The following NRXN1 variants were observed in gnomAD, a reference collection of about 807,000 sequenced individuals.
NRXN1 encodes neurexin-1.
NRXN1 carries 39 observed loss-of-function variants against 150.9 expected under a neutral mutation model. The observed-to-expected ratio is 0.26, with a 90% CI of 0.20 to 0.34. The LOEUF is 0.34. NRXN1 is among the 10% of genes least tolerant of loss of function. The pLI, the probability that NRXN1 is intolerant of heterozygous loss-of-function variation, is 1.00. For missense variants in NRXN1, 1,815 were observed against 1,949.9 expected (o/e 0.93, Z 1.30); for synonymous variants, 924 against 757.0 (o/e 1.22, Z -3.62).
chr2:50,340,609 ACGTCC>A (rs2077480313), intron 17 of NRXN1, among the ~76,000 whole-genome samples: 1 of 152,164 alleles, frequency 6.6e-6, no homozygotes, highest in African/African-American at 2.4e-5. Flanking sequence ...TAGAATCAAT[ACGTCC>A]CTGGGAAAAG....
In NRXN1 at chr2:50,441,238, G is replaced by T. The variant is rs550842000; in HGVS notation, c.3364+24204C>A. Among the ~76,000 whole-genome samples the T allele has an allele frequency of 4.2e-4, 64 of 151,994 alleles. 1 individual carries two copies. The highest frequency in any genetic ancestry group is 1.8e-3 in the Admixed American group (27 of 15,256). On this transcript the variant is annotated intron_variant, in intron 17 of 22. Coordinates refer to ENST00000401669, the MANE Select transcript of NRXN1 (RefSeq NM_001330078.2). ...CTTAAATGTAGCCACTTGTCTTAGGGGTCCCCAAATTATAAATTGGCTATA... is the reference window on the plus strand; with the variant it reads ...CTTAAATGTAGCCACTTGTCTTAGGTGTCCCCAAATTATAAATTGGCTATA...
chr2:50,101,871 T>G (rs1033034367), intron 18 of NRXN1, among the ~76,000 whole-genome samples: 1 of 151,956 alleles, frequency 6.6e-6, no homozygotes, highest in Non-Finnish European at 1.5e-5. Context: ...CTATGTTAGT[T>G]TTCACAAGCC....
Position 51,028,044 on chromosome 2 carries a change from T to G in NRXN1, c.230A>C (p.Asp77Ala), listed in dbSNP as rs1302440342. The G allele has an allele frequency of 6.3e-7, 1 of 1,598,930 alleles. No individual in the cohort carries two copies. Among genetic ancestry groups the G allele is most frequent in the Non-Finnish European group, 8.5e-7 (1 of 1,176,692 alleles). Reference sequence around the variant, plus strand: ...GCGCGTCAGAATCAGCTCCAGGAAGTCGCAGAAGCCCTCGTCGTCGAAGTA... The same window carrying G: ...GCGCGTCAGAATCAGCTCCAGGAAGGCGCAGAAGCCCTCGTCGTCGAAGTA... ...VLYFDDEGFC[D>A]FLELILTRGG... Residue 77 changes from aspartate (D) to alanine (A), a missense_variant, in exon 2 of 23, where the codon GAC becomes GCC. Around this residue, in one of 6 missense-constraint regions of NRXN1, gnomAD observed 554 missense variants for 478.8 expected, o/e 1.16. Coordinates refer to ENST00000401669, the MANE Select transcript of NRXN1 (RefSeq NM_001330078.2).
intron 18 of NRXN1, among the ~76,000 whole-genome samples, chr2:50,135,136 T>A (rs1265423251): frequency 2.0e-5 from 3 of 152,216 alleles, no homozygotes; most frequent in Non-Finnish European, 4.4e-5. Flanking sequence ...GCATGCTTAC[T>A]GTTACTTAAG....
Position 50,329,667 on chromosome 2 carries a change from ATATATATTT to A in NRXN1, c.3365-92706_3365-92698del, listed in dbSNP as rs2076693367. 1.4e-3 allele frequency among the ~76,000 whole-genome samples: 37 copies of A among 26,254 alleles called. 1 individual carries two copies. The highest frequency in any genetic ancestry group is 7.9e-3 in the East Asian group (3 of 382). The allele number at this position is 26,254 out of a possible 152,430, so 17.2% of individuals were successfully genotyped here. A position where few individuals can be genotyped will look rare whatever the true frequency, so the allele number is the denominator to read the frequency against. On this transcript the variant is annotated intron_variant, in intron 17 of 22. Transcript: ENST00000401669. ...TATATATATATATATATATATATAT[ATATATATTT>A]TTTTTTTTCCCCCCCGAGACGGAGT...
chr2:50,240,661 G>A (rs970326261), intron 17 of NRXN1, among the ~76,000 whole-genome samples: 13 of 151,548 alleles, frequency 8.6e-5, no homozygotes, highest in African/African-American at 2.9e-4. Flanking sequence ...AGAGAGATCT[G>A]GGTTCAAATT....
chr2:50,942,018 T>C (rs900631973), intron 2 of NRXN1, among the ~76,000 whole-genome samples: 8 of 152,192 alleles, frequency 5.3e-5, no homozygotes, highest in Non-Finnish European at 1.2e-4. Flanking sequence ...CCAGCTGCTC[T>C]GTTATGCCTT....
intron 18 of NRXN1, among the ~76,000 whole-genome samples, chr2:50,229,961 G>C (rs1180731321): frequency 1.3e-5 from 2 of 152,022 alleles, no homozygotes; most frequent in Non-Finnish European, 2.9e-5. Flanking sequence ...CTTAAGAATA[G>C]ATTTGAAGCC....
intron 18 of NRXN1, among the ~76,000 whole-genome samples, chr2:50,219,342 C>T (rs1215384732): frequency 7.3e-6 from 1 of 137,252 alleles, no homozygotes; most frequent in Non-Finnish European, 1.6e-5. Flanking sequence ...CAATACAAAA[C>T]TGTGTTCTGT....
intron 5 of NRXN1, among the ~76,000 whole-genome samples, chr2:50,768,162 G>T (rs1702582116): frequency 6.6e-6 from 1 of 152,040 alleles, no homozygotes; most frequent in African/African-American, 2.4e-5. Flanking sequence ...CTCCATGGCT[G>T]ATACCAAGGA....
At chr2:50,999,953 T>C (rs1431823066) in intron 2 of NRXN1, among the ~76,000 whole-genome samples, 3 of 152,062 alleles carry the variant, frequency 2.0e-5, no homozygotes, top group Non-Finnish European at 4.4e-5. Flanking sequence ...ATTTTTCAGA[T>C]ACTTTTCAAA....
At position 50,488,487 on chromosome 2, in the gene NRXN1, C is replaced by T. The variant is rs551412592; in HGVS notation, c.3070+7418G>A. On this transcript the variant is annotated intron_variant, in intron 15 of 22. Coordinates refer to ENST00000401669, the MANE Select transcript of NRXN1 (RefSeq NM_001330078.2). ...GAGGAACAAGGGAATGATCCTTGGG[C>T]AGCTTTTGGGAGGCAGCTCACAGCC... Among the ~76,000 whole-genome samples the T allele has an allele frequency of 2.6e-5, 4 of 152,306 alleles. No homozygotes were observed. In the South Asian group the frequency reaches 8.3e-4, roughly 32 times the overall value.
intron 17 of NRXN1, among the ~76,000 whole-genome samples, chr2:50,355,264 T>TAC (rs1407478409): frequency 1.5e-5 from 2 of 130,834 alleles, no homozygotes; most frequent in Non-Finnish European, 3.1e-5. Flanking sequence ...TACATATATA[T>TAC]ACACATATAT....
At chr2:50,706,736 T>A (rs1198620784) in intron 5 of NRXN1, among the ~76,000 whole-genome samples, 1 of 152,114 alleles carries the variant, frequency 6.6e-6, no homozygotes, top group Non-Finnish European at 1.5e-5. Context: ...ATCTTATCAA[T>A]GACCGGTGCA....
At chr2:50,859,675 A>G (rs1300294125) in intron 5 of NRXN1, among the ~76,000 whole-genome samples, 1 of 151,854 alleles carries the variant, frequency 6.6e-6, no homozygotes, top group East Asian at 1.9e-4. Flanking sequence ...AGGGTTTGCC[A>G]GTATAATGAC....
At chr2:50,721,802 A>C (rs1696692909) in intron 5 of NRXN1, among the ~76,000 whole-genome samples, 1 of 152,052 alleles carries the variant, frequency 6.6e-6, no homozygotes, top group Non-Finnish European at 1.5e-5. Context: ...ATTTTTACTC[A>C]TATTTTACAG....
chr2:50,393,670 A>G (rs532301395), intron 17 of NRXN1, among the ~76,000 whole-genome samples: 3 of 152,240 alleles, frequency 2.0e-5, no homozygotes, highest in Admixed American at 6.6e-5. Context: ...AGTTTGTTAC[A>G]TCGAAGTGTT....
At chr2:50,720,592 T>C (rs1219235956) in intron 5 of NRXN1, among the ~76,000 whole-genome samples, 1 of 152,196 alleles carries the variant, frequency 6.6e-6, no homozygotes, top group Non-Finnish European at 1.5e-5. Context: ...TGGGACTTAG[T>C]GTTTTCCAGA....
chr2:50,309,275 A>G (rs1043959546), intron 17 of NRXN1, among the ~76,000 whole-genome samples: 1 of 152,188 alleles, frequency 6.6e-6, no homozygotes, highest in African/African-American at 2.4e-5. Flanking sequence ...CACAAACATC[A>G]ATGTCTTCAA....
Sources: allele counts gnomAD v4.1 joint callset (sites outside exome capture counted in the v4.1 genomes callset), GRCh38; gene constraint gnomAD v4.1.1; regional missense constraint gnomAD v4.1.1; transcripts MANE v1.5; gene names NCBI Gene and HGNC (gene_info 2026-07-23, HGNC 2026-07-21).